The following SLC44A1 variants were observed in gnomAD, a reference collection of about 807,000 sequenced individuals.
SLC44A1 encodes solute carrier family 44 member 1, also known as choline transporter-like protein 1.
A neutral mutation model predicts 79.3 loss-of-function variants in SLC44A1; 26 were observed. That is an observed-to-expected ratio of 0.33 (90% CI 0.24 to 0.46). The LOEUF (loss-of-function observed/expected upper bound fraction) is 0.46, where lower values mean the gene tolerates loss of function less well. Ranked by LOEUF, SLC44A1 falls within the 20% of genes least tolerant of loss-of-function variation. SLC44A1 has a pLI of 1.00. For missense variants in SLC44A1, 688 were observed against 798.1 expected, an observed-to-expected ratio of 0.86 and a Z score of 1.66; for synonymous variants, 263 against 286.2, an observed-to-expected ratio of 0.92 and a Z score of 0.82.
At chr9:105,292,537 T>C (rs1588742624) in intron 1 of SLC44A1, among the ~76,000 whole-genome samples, 2 of 152,304 alleles carry the variant, frequency 1.3e-5, no homozygotes, top group Admixed American at 1.3e-4. Context: ...TAGCAGTCAA[T>C]ATTTCCCCAT....
At chr9:105,425,985 A>G (rs1829317889) in intron 15 of SLC44A1, among the ~76,000 whole-genome samples, 3 of 152,184 alleles carry the variant, frequency 2.0e-5, no homozygotes, top group Admixed American at 2.0e-4. Flanking sequence ...CAATCTGTGT[A>G]AGTAACATGA....
chr9:105,293,537 C>G (rs1006751136), intron 1 of SLC44A1, among the ~76,000 whole-genome samples: 2 of 152,184 alleles, frequency 1.3e-5, no homozygotes, highest in East Asian at 1.9e-4. Context: ...TTGATACCTT[C>G]CTAATCCTGC....
chr9:105,262,297 C>T (rs1264112203), intron 1 of SLC44A1, among the ~76,000 whole-genome samples: 1 of 152,112 alleles, frequency 6.6e-6, no homozygotes, highest in Non-Finnish European at 1.5e-5. Flanking sequence ...GTTATTGTGT[C>T]TGTAGGCATG....
Position 105,396,316 on chromosome 9 carries a change from A to C in SLC44A1, c.*7260A>C. On this transcript the variant is annotated 3_prime_UTR_variant, in exon 16 of 16. Transcript: ENST00000374720. The stretch of plus-strand genomic sequence containing the variant: ...TCAGTGGTTATTAACTGATTTTATT[A>C]CAGGAGAAAAAAACTTTAACAAAAA... 1 of 985,236 alleles carries C rather than the reference A, an allele frequency of 1.0e-6. No homozygotes were observed. Among genetic ancestry groups the C allele is most frequent in the Non-Finnish European group, 1.2e-6 (1 of 829,748 alleles). The allele number at this position is 985,236 out of a possible 1,614,324, so 61.0% of individuals were successfully genotyped here.
intron 1 of SLC44A1, among the ~76,000 whole-genome samples, chr9:105,251,568 C>G (rs908254289): frequency 1.3e-5 from 2 of 152,220 alleles, no homozygotes; most frequent in East Asian, 3.8e-4. Flanking sequence ...ACCCTTGACC[C>G]TGGACAACAA....
chr9:105,273,235 A>G (rs943236276), intron 1 of SLC44A1, among the ~76,000 whole-genome samples: 5 of 152,140 alleles, frequency 3.3e-5, no homozygotes, highest in African/African-American at 1.2e-4. Context: ...CGGGTGATCC[A>G]CCTGCTTCGG....
intron 10 of SLC44A1, among the ~76,000 whole-genome samples, chr9:105,365,235 T>G (rs1369567282): frequency 6.6e-6 from 1 of 152,220 alleles, no homozygotes; most frequent in Non-Finnish European, 1.5e-5. Flanking sequence ...AGAGCACAGT[T>G]TTATTTAACT....
chr9:105,296,115 T>C (rs1052250441), intron 1 of SLC44A1, among the ~76,000 whole-genome samples: 1 of 152,148 alleles, frequency 6.6e-6, no homozygotes, highest in Non-Finnish European at 1.5e-5. Flanking sequence ...AAAGTATTGA[T>C]GAATAATAAT....
At chr9:105,399,572 G>A (rs1030159406), downstream of SLC44A1, among the ~76,000 whole-genome samples, 1 of 152,138 alleles carries the variant, frequency 6.6e-6, no homozygotes, top group African/African-American at 2.4e-5. Context: ...CCCAGGCTAG[G>A]CATATGACTA....
At chr9:105,358,289 T>G (rs1827679588) in intron 6 of SLC44A1, 55 bp from the exon 7 acceptor site, 2 of 1,015,774 alleles carry the variant, frequency 2.0e-6, no homozygotes, top group Non-Finnish European at 3.0e-6. Flanking sequence ...CGTTTTTATT[T>G]GTATTTACCT....
In SLC44A1 at chr9:105,393,733, G is replaced by A. The variant is rs1588865187; in HGVS notation, c.*4677G>A. 3.0e-6 allele frequency: 3 copies of A among 984,922 alleles called. No homozygotes were observed. The highest frequency in any genetic ancestry group is 3.6e-6 in the Non-Finnish European group (3 of 829,508). 61.0% of individuals were successfully genotyped at this position (984,922 alleles called of 1,614,324 possible). A position where few individuals can be genotyped will look rare whatever the true frequency, so the allele number is the denominator to read the frequency against. On this transcript the variant is annotated 3_prime_UTR_variant, in exon 16 of 16. Transcript: ENST00000374720. ...ACTTTGTAAATTATATGGACAGAAT[G>A]TGTTCTAAGGAAATTCGTTAGTAAA...
chr9:105,321,041 C>A (rs1826377674), intron 3 of SLC44A1, among the ~76,000 whole-genome samples: 1 of 152,086 alleles, frequency 6.6e-6, no homozygotes, highest in East Asian at 1.9e-4. Context: ...TTAGTGACAT[C>A]TTTTGATGAG....
At chr9:105,400,489 A>AAAAAAC (rs1554690313), downstream of SLC44A1, among the ~76,000 whole-genome samples, 3 of 151,900 alleles carry the variant, frequency 2.0e-5, no homozygotes, top group East Asian at 5.8e-4. Context: ...CGCCATCTCA[A>AAAAAAC]AAAAAGAAAA....
At chr9:105,336,959 T>A (rs1478105132) in intron 4 of SLC44A1, among the ~76,000 whole-genome samples, 2 of 152,172 alleles carry the variant, frequency 1.3e-5, no homozygotes, top group African/African-American at 4.8e-5. Context: ...TACTCCCTCA[T>A]AAGTTGTTAT....
chr9:105,438,179 T>G (rs1038034121), intron 15 of SLC44A1: 12 of 938,472 alleles, frequency 1.3e-5, no homozygotes, highest in Admixed American at 2.1e-5. Context: ...CATAATGTTT[T>G]CTTTAAAGAC....
intron 9 of SLC44A1, among the ~76,000 whole-genome samples, chr9:105,363,399 G>C (rs185299309): frequency 6.6e-6 from 1 of 151,950 alleles, no homozygotes; most frequent in Non-Finnish European, 1.5e-5. Flanking sequence ...CTGACCTCAT[G>C]ATCAGGTCAG....
intron 1 of SLC44A1, among the ~76,000 whole-genome samples, chr9:105,248,049 A>T (rs1426083294): frequency 6.6e-6 from 1 of 152,224 alleles, no homozygotes; most frequent in Admixed American, 6.5e-5. Context: ...CAGTGGCTAC[A>T]ACATCTTAAA....
At position 105,391,685 on chromosome 9, in the gene SLC44A1, CATT is replaced by C; in HGVS notation, c.*2630_*2632del. On this transcript the variant is annotated 3_prime_UTR_variant, in exon 16 of 16. Coordinates refer to ENST00000374720, the MANE Select transcript of SLC44A1 (RefSeq NM_080546.5). ...CTGCCTCTTTTCATTCATTTCAAGTCATTCTTCAGCTAGCTATGGGCTGCCTTA... is the reference window on the plus strand; with the variant it reads ...CTGCCTCTTTTCATTCATTTCAAGTCCTTCAGCTAGCTATGGGCTGCCTTA... 1.0e-6 allele frequency: 1 copy of C among 985,302 alleles called. No individual in the cohort carries two copies. Among genetic ancestry groups the C allele is most frequent in the Non-Finnish European group, 1.2e-6 (1 of 829,888 alleles). The allele number at this position is 985,302 out of a possible 1,614,324, so 61.0% of individuals were successfully genotyped here.
intron 3 of SLC44A1, among the ~76,000 whole-genome samples, chr9:105,312,135 T>C (rs1831198301): frequency 6.6e-6 from 1 of 152,160 alleles, no homozygotes; most frequent in African/African-American, 2.4e-5. Flanking sequence ...ACATATTTGT[T>C]GAAAAAGTCA....
Sources: allele counts gnomAD v4.1 joint callset (sites outside exome capture counted in the v4.1 genomes callset), GRCh38; gene constraint gnomAD v4.1.1; transcripts MANE v1.5; gene names NCBI Gene and HGNC (gene_info 2026-07-23, HGNC 2026-07-21).